ADGRL3: variants seen among roughly 807,000 people sequenced by gnomAD.
ADGRL3 encodes adhesion G protein-coupled receptor L3.
In ADGRL3, 62 loss-of-function variants were observed where a neutral mutation model predicts 153.5. The ratio of observed to expected loss-of-function variants is 0.40; its 90% CI spans 0.33 to 0.50. ADGRL3 has a LOEUF of 0.50. Among genes scored for constraint, ADGRL3 ranks in the 20% least tolerant of loss-of-function variants. ADGRL3 has a pLI of 0.47. For missense variants in ADGRL3, 1,641 were observed against 1,859.4 expected, an observed-to-expected ratio of 0.88 and a Z score of 2.16; for synonymous variants, 710 against 672.5, an observed-to-expected ratio of 1.06 and a Z score of -0.86.
chr4:61,449,046 T>C (rs529224479), intron 2 of ADGRL3, among the ~76,000 whole-genome samples: 1 of 152,264 alleles, frequency 6.6e-6, no homozygotes, highest in Admixed American at 6.5e-5. Flanking sequence ...TTTAGAGCAC[T>C]TATAATTTGA....
chr4:61,778,507 C>T (rs774059680), intron 8 of ADGRL3, among the ~76,000 whole-genome samples: 1 of 152,126 alleles, frequency 6.6e-6, no homozygotes, highest in African/African-American at 2.4e-5. Flanking sequence ...AGAGGTGAAA[C>T]TTTAAAATTT....
Position 61,200,364 on chromosome 4 carries a change from G to A in ADGRL3, c.-1641G>A, listed in dbSNP as rs910869626. Among the ~76,000 whole-genome samples, 6 of 150,420 alleles carry A rather than the reference G, an allele frequency of 4.0e-5. No homozygotes were observed. On this transcript the variant is annotated 5_prime_UTR_variant, in exon 1 of 27. Coordinates refer to ENST00000683033, the MANE Select transcript of ADGRL3 (RefSeq NM_001387552.1). ...CTCCGGCCCCGGCTGCGCCTACCCC[G>A]CGCGCAGGCTGCACGGTCCCCGCGC...
At chr4:61,598,994 G>T (rs950327593) in intron 5 of ADGRL3, among the ~76,000 whole-genome samples, 4 of 152,026 alleles carry the variant, frequency 2.6e-5, no homozygotes, top group African/African-American at 9.7e-5. Context: ...CTCTCTGAAG[G>T]CTCACTGAAA....
At chr4:61,636,365 A>G (rs1007204622) in intron 5 of ADGRL3, among the ~76,000 whole-genome samples, 3 of 152,148 alleles carry the variant, frequency 2.0e-5, no homozygotes, top group Non-Finnish European at 4.4e-5. Flanking sequence ...CCTATAATAA[A>G]TATATGAAGG....
chr4:61,992,420 C>T (rs2099106736), intron 19 of ADGRL3, among the ~76,000 whole-genome samples: 1 of 152,178 alleles, frequency 6.6e-6, no homozygotes, highest in African/African-American at 2.4e-5. Flanking sequence ...ATTGTTTTAA[C>T]AGCCACAGTG....
intron 21 of ADGRL3, among the ~76,000 whole-genome samples, chr4:62,023,558 A>G (rs1238169618): frequency 2.0e-5 from 3 of 152,138 alleles, no homozygotes; most frequent in Non-Finnish European, 4.4e-5. Context: ...CGATGTGGCA[A>G]ACTTCACTGT....
chr4:61,953,612 A>T (rs981017807), intron 17 of ADGRL3, among the ~76,000 whole-genome samples: 4 of 152,066 alleles, frequency 2.6e-5, no homozygotes, highest in Non-Finnish European at 4.4e-5. Flanking sequence ...CACTCAAAAA[A>T]CTCATATTTT....
intron 5 of ADGRL3, among the ~76,000 whole-genome samples, chr4:61,658,511 A>C (rs1218606005): frequency 1.3e-5 from 2 of 152,162 alleles, no homozygotes; most frequent in Non-Finnish European, 2.9e-5. Context: ...TACACAAGAT[A>C]AGTTAAGGAA....
chr4:61,903,738 G>T (rs1227569015), intron 11 of ADGRL3, among the ~76,000 whole-genome samples: 1 of 128,254 alleles, frequency 7.8e-6, no homozygotes, highest in Non-Finnish European at 1.6e-5. Context: ...ACTTTAAAAA[G>T]ATACTTTTTA....
intron 25 of ADGRL3, 32 bp from the exon 26 acceptor site, chr4:62,068,134 T>C: frequency 2.6e-6 from 4 of 1,525,726 alleles, no homozygotes; most frequent in Non-Finnish European, 3.5e-6. Context: ...ACTTGTTGTT[T>C]TTTCTTTCCT....
chr4:61,805,252 G>A (rs1487691044), intron 8 of ADGRL3, among the ~76,000 whole-genome samples: 1 of 152,032 alleles, frequency 6.6e-6, no homozygotes, highest in African/African-American at 2.4e-5. Flanking sequence ...TGTTTCCTGT[G>A]CCTTCAACAT....
At chr4:61,247,305 T>G (rs1191808276) in intron 1 of ADGRL3, among the ~76,000 whole-genome samples, 1 of 152,098 alleles carries the variant, frequency 6.6e-6, no homozygotes, top group East Asian at 1.9e-4. Context: ...AGTGTTTTTA[T>G]AAATAGAAAC....
At chr4:62,064,670 GT>G (rs879536487) in intron 25 of ADGRL3, among the ~76,000 whole-genome samples, 37 of 144,040 alleles carry the variant, frequency 2.6e-4, no homozygotes, top group South Asian at 4.4e-4. Flanking sequence ...ATCTTTGGTT[GT>G]TTTTTTTTTT....
intron 9 of ADGRL3, 43 bp downstream of exon 9, chr4:61,813,932 C>G (rs1239335788): frequency 2.5e-6 from 4 of 1,605,198 alleles, no homozygotes; most frequent in Non-Finnish European, 3.4e-6. Flanking sequence ...TCTGCTCATT[C>G]TTTGATGAAA....
intron 9 of ADGRL3, among the ~76,000 whole-genome samples, chr4:61,850,187 T>A (rs2098184877): frequency 6.6e-6 from 1 of 152,170 alleles, no homozygotes; most frequent in Non-Finnish European, 1.5e-5. Context: ...GTATATGCAT[T>A]GTGCTAAGCA....
At chr4:61,826,683 A>T (rs1375034524) in intron 9 of ADGRL3, among the ~76,000 whole-genome samples, 2 of 152,134 alleles carry the variant, frequency 1.3e-5, no homozygotes, top group Admixed American at 1.3e-4. Flanking sequence ...ATTTTTAAAA[A>T]TGACTGTAGC....
intron 4 of ADGRL3, among the ~76,000 whole-genome samples, chr4:61,541,970 A>G (rs2098692380): frequency 6.6e-6 from 1 of 152,104 alleles, no homozygotes; most frequent in African/African-American, 2.4e-5. Flanking sequence ...TGATAATGTG[A>G]TGTGGGGTCG....
Position 62,034,793 on chromosome 4 carries a change from G to A in ADGRL3, c.3592-2938G>A, listed in dbSNP as rs1430446779. ...TTTCTGAGTATGGATTGTGTAAACA[G>A]TTTTCCACTGGTCACATTAAAGTGG... is the stretch of plus-strand genomic sequence containing the variant. On this transcript the variant is annotated intron_variant, in intron 23 of 26. Coordinates refer to ENST00000683033, the MANE Select transcript of ADGRL3 (RefSeq NM_001387552.1). Among the ~76,000 whole-genome samples, 7 of 151,792 alleles carry A rather than the reference G, an allele frequency of 4.6e-5. No homozygotes were observed. In the East Asian group the frequency reaches 1.3e-3, roughly 29 times the overall value.
Position 61,972,775 on chromosome 4 carries a change from T to G in ADGRL3, c.2806-6788T>G, listed in dbSNP as rs1056559202. Among the ~76,000 whole-genome samples the G allele has an allele frequency of 3.3e-5, 5 of 152,170 alleles. No individual in the cohort carries two copies. The East Asian group carries it at 9.6e-4, about 29-fold the overall frequency. The stretch of plus-strand genomic sequence containing the variant: ...GTATGGCCATTTTCACAATATTGAT[T>G]CTTCCTACCCATGAGCATGGAATGT... On this transcript the variant is annotated intron_variant, in intron 17 of 26. Transcript: ENST00000683033.
Sources: allele counts gnomAD v4.1 joint callset (sites outside exome capture counted in the v4.1 genomes callset), GRCh38; gene constraint gnomAD v4.1.1; transcripts MANE v1.5; gene names NCBI Gene and HGNC (gene_info 2026-07-23, HGNC 2026-07-21).